The following FABP3 variants were observed in gnomAD, a reference collection of about 807,000 sequenced individuals.
FABP3 encodes the protein fatty acid-binding protein, heart.
In FABP3, 8 loss-of-function variants were observed where a neutral mutation model predicts 13.4. The observed-to-expected ratio is 0.60, with a 90% CI of 0.35 to 1.07. FABP3 has a LOEUF of 1.07. Ranked by LOEUF, FABP3 falls within the 50% of genes least tolerant of loss-of-function variation. The probability of loss-of-function intolerance (pLI) is 0.02; values close to 1 mark genes in which losing one functional copy is unlikely to be tolerated. For missense variants in FABP3, 135 were observed against 164.7 expected (o/e 0.82, Z 0.99); for synonymous variants, 64 against 60.0 (o/e 1.07, Z -0.31).
chr1:31,362,987 A>T (rs555035443), downstream of FABP3, among the ~76,000 whole-genome samples: 1 of 152,228 alleles, frequency 6.6e-6, no homozygotes, highest in African/African-American at 2.4e-5. Context: ...TTCTCTGTGT[A>T]TACTAAATAT....
chr1:31,371,015 A>T (rs1368340759), intron 1 of FABP3, among the ~76,000 whole-genome samples: 1 of 152,226 alleles, frequency 6.6e-6, no homozygotes, highest in Non-Finnish European at 1.5e-5. Context: ...AAGAGAATAA[A>T]CTACTGACAT....
downstream of FABP3, chr1:31,363,929 C>T (rs1053699590): frequency 3.4e-6 from 5 of 1,478,462 alleles, no homozygotes; most frequent in African/African-American, 2.8e-5. Context: ...TCCCAAAGTA[C>T]TAGGATTACA....
At chr1:31,367,847 T>G (rs1347442636) in intron 2 of FABP3, among the ~76,000 whole-genome samples, 2 of 152,174 alleles carry the variant, frequency 1.3e-5, no homozygotes, top group Non-Finnish European at 2.9e-5. Context: ...TCCCCTCAGA[T>G]ACAGGTGGGA....
At chr1:31,371,477 C>T (rs977903841) in intron 1 of FABP3, among the ~76,000 whole-genome samples, 1 of 152,210 alleles carries the variant, frequency 6.6e-6, no homozygotes, top group Non-Finnish European at 1.5e-5. Context: ...ATGAAGCCAG[C>T]ACTACTTACT....
In FABP3 at chr1:31,369,562, G is replaced by A; in HGVS notation, c.74-5C>T. 1 of 1,614,018 alleles carries A rather than the reference G, an allele frequency of 6.2e-7. No homozygotes were observed. The highest frequency in any genetic ancestry group is 8.5e-7 in the Non-Finnish European group (1 of 1,179,942). ...GCCTGGTAGCAAAACCCACACCTGA[G>A]GGTAGGGGGAAGGTTATGAGTATAT... On this transcript the variant is annotated splice_region_variant and splice_polypyrimidine_tract_variant and intron_variant, in intron 1 of 3. Transcript: ENST00000373713.
chr1:31,363,969 G>A (rs1412889459), downstream of FABP3: 17 of 1,579,506 alleles, frequency 1.1e-5, no homozygotes, highest in African/African-American at 1.4e-5. Context: ...GGCCAATTAT[G>A]TGCTATGATT....
chr1:31,369,897 G>A (rs1392624503), intron 1 of FABP3, among the ~76,000 whole-genome samples: 1 of 152,122 alleles, frequency 6.6e-6, no homozygotes, highest in Non-Finnish European at 1.5e-5. Context: ...ATGAGGCCAG[G>A]AGTTTAAGAC....
At chr1:31,364,029 C>T (rs761914757), downstream of FABP3, 1 of 1,605,542 alleles carries the variant, frequency 6.2e-7, no homozygotes, top group Non-Finnish European at 8.5e-7. Context: ...ATTTTCTTTT[C>T]AGGAGAAGAA....
intron 1 of FABP3, 40 bp from the exon 2 acceptor site, chr1:31,369,597 TAG>T: frequency 6.2e-7 from 1 of 1,600,984 alleles, no homozygotes; most frequent in East Asian, 2.2e-5. Flanking sequence ...TGAGCTGGGG[TAG>T]AGAAGCAGTG....
At chr1:31,361,786 A>ATTATTTAT (rs3049344), downstream of FABP3, among the ~76,000 whole-genome samples, 2,874 of 145,894 alleles carry the variant, frequency 0.02, 38 homozygotes, top group South Asian at 0.041. Context: ...AGAGGGGGAG[A>ATTATTTAT]TTATTTATTT....
Position 31,365,691 on chromosome 1 carries a change from C to T in FABP3, c.*195G>A, listed in dbSNP as rs1353515396. ...TCTGCTTTATTGACCTCAGAGCACC[C>T]TATGAGTGCAGTTAAAAAAAAAAAA... On this transcript the variant is annotated 3_prime_UTR_variant, in exon 4 of 4. Coordinates refer to ENST00000373713, the MANE Select transcript of FABP3 (RefSeq NM_004102.5). The T allele has an allele frequency of 3.7e-6, 2 of 545,034 alleles. No individual in the cohort carries two copies. Among genetic ancestry groups the T allele is most frequent in the East Asian group, 3.2e-5 (1 of 31,226 alleles). 33.8% of individuals were successfully genotyped at this position (545,034 alleles called of 1,614,324 possible).
the FABP3 span, among the ~76,000 whole-genome samples, chr1:31,360,165 G>GTGTTT: frequency 0.027 from 3,992 of 150,518 alleles, 178 homozygotes; most frequent in African/African-American, 0.092. Context: ...TTGTGTGTGC[G>GTGTTT]TGTTTTGTTT....
At chr1:31,372,747 C>T (rs900340694) in intron 1 of FABP3, among the ~76,000 whole-genome samples, 195 bp downstream of exon 1, 1 of 152,186 alleles carries the variant, frequency 6.6e-6, no homozygotes, top group African/African-American at 2.4e-5. Flanking sequence ...ACCTCCCTAC[C>T]GTGGTCTCTA....
downstream of FABP3, among the ~76,000 whole-genome samples, chr1:31,361,552 C>T (rs1639894632): frequency 6.6e-6 from 1 of 152,210 alleles, no homozygotes; most frequent in South Asian, 2.1e-4. Flanking sequence ...TTAATTCTAT[C>T]TTATTCCAAA....
intron 1 of FABP3, among the ~76,000 whole-genome samples, chr1:31,372,414 A>G (rs1254111098): frequency 6.6e-6 from 1 of 152,118 alleles, no homozygotes; most frequent in Non-Finnish European, 1.5e-5. Flanking sequence ...CCAAGCAGAG[A>G]TGGGGATTGC....
rs3049341 is a variant in FABP3, at chr1:31,366,062, A to ATGTGTGTG, written c.349-131_349-124dup. 392 of 575,918 alleles carry ATGTGTGTG rather than the reference A, an allele frequency of 6.8e-4. 1 individual carries two copies. Among genetic ancestry groups the ATGTGTGTG allele is most frequent in the African/African-American group, 1.1e-3 (56 of 50,930 alleles). The allele number at this position is 575,918 out of a possible 1,614,324, so 35.7% of individuals were successfully genotyped here. A position where few individuals can be genotyped will look rare whatever the true frequency, so the allele number is the denominator to read the frequency against. On this transcript the variant is annotated intron_variant, in intron 3 of 3. Coordinates refer to ENST00000373713, the MANE Select transcript of FABP3 (RefSeq NM_004102.5). The stretch of plus-strand genomic sequence containing the variant: ...TACTATGTGCCGGCTATATGTATGT[A>ATGTGTGTG]TGTGTGTGTGTGTGTGTGTGTGTGT...
chr1:31,364,678 T>C (rs147916666), downstream of FABP3: 97 of 155,670 alleles, frequency 6.2e-4, no homozygotes, highest in African/African-American at 2.3e-3. Context: ...GGGGGGAACA[T>C]GGTGAGAAGT....
At chr1:31,367,598 A>G in intron 2 of FABP3, 104 bp from the exon 3 acceptor site, 1 of 923,264 alleles carries the variant, frequency 1.1e-6, no homozygotes. Context: ...TTTGACCCAA[A>G]CTAGTGATGG....
downstream of FABP3, among the ~76,000 whole-genome samples, chr1:31,361,775 G>C (rs1639905608): frequency 6.6e-6 from 1 of 150,724 alleles, no homozygotes; most frequent in African/African-American, 2.4e-5. Context: ...TTTTTTTGGG[G>C]AGAGGGGGAG....
Sources: gnomAD v4.1 joint callset for allele counts (sites outside exome capture counted in the v4.1 genomes callset) on GRCh38, gnomAD v4.1.1 for gene constraint, MANE v1.5 for transcripts, NCBI Gene and HGNC (gene_info 2026-07-23, HGNC 2026-07-21) for gene names.